Variants in ANKS1B observed in about 807,000 individuals in gnomAD.
The protein encoded by ANKS1B is ankyrin repeat and sterile alpha motif domain-containing protein 1B.
In ANKS1B, 36 loss-of-function variants were observed where a neutral mutation model predicts 148.3. That is an observed-to-expected ratio of 0.24 (90% CI 0.19 to 0.32). The LOEUF is 0.32. Among genes scored for constraint, ANKS1B ranks in the 10% least tolerant of loss-of-function variants. The pLI, the probability that ANKS1B is intolerant of heterozygous loss-of-function variation, is 1.00. For synonymous variants in ANKS1B, 542 were observed against 560.8 expected (o/e 0.97, Z 0.47); for missense variants, 1,157 against 1,542.6 (o/e 0.75, Z 4.19).
chr12:99,454,333 C>T (rs1297808258), intron 10 of ANKS1B, among the ~76,000 whole-genome samples: 1 of 152,178 alleles, frequency 6.6e-6, no homozygotes, highest in Non-Finnish European at 1.5e-5. Flanking sequence ...AAAGAACAGA[C>T]CACAAGGCTA....
chr12:99,901,811 T>A (rs1460813625), intron 1 of ANKS1B, among the ~76,000 whole-genome samples: 5 of 152,236 alleles, frequency 3.3e-5, no homozygotes, highest in Non-Finnish European at 7.3e-5. Context: ...AATGGCTATG[T>A]GATCAAGCTG....
At position 99,275,558 on chromosome 12, in the gene ANKS1B, C is replaced by T. The variant is rs148551071; in HGVS notation, c.1757-28694G>A. ...TATGGCTTAATAGTACTCTATTGTGCATATGCACCACATTTTGTTTATTCA... is the reference window on the plus strand; with the variant it reads ...TATGGCTTAATAGTACTCTATTGTGTATATGCACCACATTTTGTTTATTCA... On this transcript the variant is annotated intron_variant, in intron 12 of 26. Transcript: ENST00000683438. 1.5e-3 allele frequency among the ~76,000 whole-genome samples: 227 copies of T among 152,318 alleles called. 1 individual carries two copies. The highest frequency in any genetic ancestry group is 5.2e-3 in the African/African-American group (216 of 41,580).
intron 17 of ANKS1B, among the ~76,000 whole-genome samples, chr12:98,843,059 T>C (rs1235505344): frequency 6.6e-6 from 1 of 152,170 alleles, no homozygotes. Context: ...GTGGTGATCA[T>C]GAGATGACAC....
intron 9 of ANKS1B, among the ~76,000 whole-genome samples, chr12:99,652,655 C>T (rs571915853): frequency 6.6e-5 from 10 of 151,942 alleles, no homozygotes; most frequent in Non-Finnish European, 7.4e-5. Flanking sequence ...ATAGTACTTA[C>T]AAAATACAGA....
chr12:99,608,261 G>A (rs1312859750), intron 9 of ANKS1B, among the ~76,000 whole-genome samples: 1 of 152,012 alleles, frequency 6.6e-6, no homozygotes, highest in Non-Finnish European at 1.5e-5. Context: ...AAGCACTCTA[G>A]TAGCTTTCAA....
At chr12:98,750,466 G>A (rs932622538) in intron 26 of ANKS1B, among the ~76,000 whole-genome samples, 5 of 152,174 alleles carry the variant, frequency 3.3e-5, no homozygotes, top group African/African-American at 4.8e-5. Flanking sequence ...CACAAAGGGA[G>A]GTGCCTCCCT....
At chr12:99,824,826 A>G (rs1220106917) in intron 2 of ANKS1B, among the ~76,000 whole-genome samples, 1 of 152,232 alleles carries the variant, frequency 6.6e-6, no homozygotes, top group East Asian at 1.9e-4. Context: ...AAAACTAGAA[A>G]GACAATCATG....
At chr12:99,609,902 A>G (rs2097885933) in intron 9 of ANKS1B, among the ~76,000 whole-genome samples, 1 of 152,142 alleles carries the variant, frequency 6.6e-6, no homozygotes, top group South Asian at 2.1e-4. Context: ...CATTATAGAC[A>G]GAGACCAGGG....
intron 14 of ANKS1B, among the ~76,000 whole-genome samples, chr12:99,160,553 T>G (rs971034876): frequency 1.3e-5 from 2 of 151,404 alleles, no homozygotes; most frequent in Admixed American, 6.6e-5. Flanking sequence ...TTTCACCATG[T>G]TAGCCAGGAT....
At chr12:99,787,821 G>A (rs12368127) in intron 4 of ANKS1B, among the ~76,000 whole-genome samples, 17,239 of 152,248 alleles carry the variant, frequency 0.11, 1,124 homozygotes, top group African/African-American at 0.15. Context: ...TTTTAGGAAG[G>A]GAGAAAGCAG....
chr12:99,240,670 A>G (rs1458335289), intron 14 of ANKS1B, among the ~76,000 whole-genome samples: 1 of 152,194 alleles, frequency 6.6e-6, no homozygotes, highest in Non-Finnish European at 1.5e-5. Context: ...CAGCAAATGT[A>G]AAAGAGCAGA....
chr12:99,233,605 T>G (rs1244987127), intron 14 of ANKS1B, among the ~76,000 whole-genome samples: 1 of 152,188 alleles, frequency 6.6e-6, no homozygotes, highest in Non-Finnish European at 1.5e-5. Context: ...ACAGAAGTGT[T>G]GTTTGTAAAA....
At chr12:99,534,698 CTTTTTTCTTTTCT>C (rs2097044599) in intron 9 of ANKS1B, among the ~76,000 whole-genome samples, 1 of 144,984 alleles carries the variant, frequency 6.9e-6, no homozygotes, top group African/African-American at 2.5e-5. Flanking sequence ...CTTTTTTTTT[CTTTTTTCTTTTCT>C]TTTTTTTTTT....
At position 98,745,468 on chromosome 12, in the gene ANKS1B, TG is replaced by T; in HGVS notation, c.*270del. On this transcript the variant is annotated 3_prime_UTR_variant, in exon 27 of 27. Transcript: ENST00000683438. ...TGGGGCGGAGTCATCAGAAATACCT[TG>T]GGAGGTGGTGGGGAGGGGAGTCGGG... 5.5e-6 allele frequency: 6 copies of T among 1,098,148 alleles called. No individual in the cohort carries two copies. The highest frequency in any genetic ancestry group is 6.6e-6 in the Non-Finnish European group (6 of 902,724). The allele number at this position is 1,098,148 out of a possible 1,614,324, so 68.0% of individuals were successfully genotyped here.
chr12:99,618,835 A>G (rs2098007603), intron 9 of ANKS1B, among the ~76,000 whole-genome samples: 1 of 152,146 alleles, frequency 6.6e-6, no homozygotes, highest in Non-Finnish European at 1.5e-5. Flanking sequence ...ACTCAGCAGC[A>G]TAGCCATGCA....
At chr12:99,109,900 T>A (rs1042695607) in intron 15 of ANKS1B, among the ~76,000 whole-genome samples, 3 of 152,146 alleles carry the variant, frequency 2.0e-5, no homozygotes, top group African/African-American at 7.2e-5. Context: ...AGTACTAACA[T>A]CTTGCTTTAA....
Position 99,445,255 on chromosome 12 carries a change from C to T in ANKS1B, c.1439-1446G>A, listed in dbSNP as rs1431363384. 4.6e-5 allele frequency among the ~76,000 whole-genome samples: 7 copies of T among 152,078 alleles called. No individual in the cohort carries two copies. The East Asian group carries it at 1.4e-3, about 29-fold the overall frequency. ...CTTCCTTCTTTCATTCATCTAAAAA[C>T]TACACATGTAAGAACACTTATTTGG... On this transcript the variant is annotated intron_variant, in intron 10 of 26. Coordinates refer to ENST00000683438, the MANE Select transcript of ANKS1B (RefSeq NM_001352186.2).
At chr12:99,707,583 A>T (rs1160922424) in intron 8 of ANKS1B, among the ~76,000 whole-genome samples, 1 of 152,108 alleles carries the variant, frequency 6.6e-6, no homozygotes, top group African/African-American at 2.4e-5. Context: ...CCTGAGTTCT[A>T]GGTAAATGGA....
At chr12:99,408,323 C>T (rs186881812) in intron 11 of ANKS1B, among the ~76,000 whole-genome samples, 2 of 145,980 alleles carry the variant, frequency 1.4e-5, no homozygotes, top group East Asian at 1.9e-4. Flanking sequence ...AGACCCCTAT[C>T]TCTTGCCTTA....
Sources: gnomAD v4.1 joint callset for allele counts (sites outside exome capture counted in the v4.1 genomes callset) on GRCh38, gnomAD v4.1.1 for gene constraint, MANE v1.5 for transcripts, NCBI Gene and HGNC (gene_info 2026-07-23, HGNC 2026-07-21) for gene names.